The following NDRG3 variants were observed in gnomAD, a reference collection of about 807,000 sequenced individuals.
The protein encoded by NDRG3 is NDRG family member 3, also known as protein NDRG3.
A neutral mutation model predicts 57.2 loss-of-function variants in NDRG3; 23 were observed. The ratio of observed to expected loss-of-function variants is 0.40; its 90% CI spans 0.29 to 0.57. The LOEUF (loss-of-function observed/expected upper bound fraction) is 0.57. NDRG3 is among the 20% of genes least tolerant of loss of function. NDRG3 has a pLI of 0.42. For synonymous variants in NDRG3, 132 were observed against 162.6 expected (o/e 0.81, Z 1.43); for missense variants, 384 against 457.3 (o/e 0.84, Z 1.46).
intron 2 of NDRG3, among the ~76,000 whole-genome samples, chr20:36,712,219 C>A (rs1983928290): frequency 6.6e-6 from 1 of 151,366 alleles, no homozygotes; most frequent in South Asian, 2.1e-4. Flanking sequence ...GTAACTGGCT[C>A]CAGAGTTTCT....
At chr20:36,677,122 G>A (rs947672011) in intron 8 of NDRG3, among the ~76,000 whole-genome samples, 6 of 152,242 alleles carry the variant, frequency 3.9e-5, no homozygotes, top group South Asian at 2.1e-4. Flanking sequence ...GGGGACAAGC[G>A]GGAGCCGGGC....
chr20:36,707,916 T>A (rs915899693), intron 2 of NDRG3, among the ~76,000 whole-genome samples: 9 of 151,874 alleles, frequency 5.9e-5, no homozygotes, highest in African/African-American at 2.2e-4. Context: ...AAACCCCGTC[T>A]CTACTAAAAA....
intron 2 of NDRG3, among the ~76,000 whole-genome samples, chr20:36,711,136 G>C (rs1280504787): frequency 1.3e-5 from 2 of 148,718 alleles, no homozygotes; most frequent in Non-Finnish European, 3.0e-5. Flanking sequence ...AAAAAAAATA[G>C]CCGGGCGTGG....
At chr20:36,744,974 G>C (rs1429638598) in intron 1 of NDRG3, among the ~76,000 whole-genome samples, 4 of 151,384 alleles carry the variant, frequency 2.6e-5, no homozygotes, top group East Asian at 1.9e-4. Flanking sequence ...GTAAGGGGGG[G>C]GGGGGGCGCG....
intron 8 of NDRG3, among the ~76,000 whole-genome samples, chr20:36,678,738 T>C (rs576775724): frequency 6.6e-6 from 1 of 152,250 alleles, no homozygotes; most frequent in Non-Finnish European, 1.5e-5. Flanking sequence ...TAAAAGATGA[T>C]GTAATTAAAA....
intron 1 of NDRG3, among the ~76,000 whole-genome samples, chr20:36,744,161 C>A (rs914688618): frequency 6.6e-6 from 1 of 152,090 alleles, no homozygotes; most frequent in Admixed American, 6.5e-5. Context: ...CTCGGCCTCC[C>A]AAAGTGCTGG....
intron 1 of NDRG3, among the ~76,000 whole-genome samples, chr20:36,724,873 G>A (rs1210001454): frequency 6.6e-6 from 1 of 152,090 alleles, no homozygotes; most frequent in African/African-American, 2.4e-5. Flanking sequence ...AGGTTGCAGT[G>A]AGCCAAGATC....
chr20:36,739,842 G>A (rs945589372), intron 1 of NDRG3, among the ~76,000 whole-genome samples: 2 of 150,590 alleles, frequency 1.3e-5, no homozygotes, highest in South Asian at 4.2e-4. Flanking sequence ...CCTGGTAGGC[G>A]GAGCTTGCAG....
chr20:36,710,290 C>T (rs540678183), intron 2 of NDRG3, among the ~76,000 whole-genome samples: 1 of 152,272 alleles, frequency 6.6e-6, no homozygotes, highest in Admixed American at 6.5e-5. Context: ...CACCACTGCA[C>T]TCCAGCCTGG....
chr20:36,654,847 C>G, intron 15 of NDRG3: 2 of 779,738 alleles, frequency 2.6e-6, no homozygotes, highest in Non-Finnish European at 4.8e-6. Context: ...GGACTGGAAG[C>G]AGGATGGACA....
At chr20:36,734,100 C>A (rs1317682198) in intron 1 of NDRG3, among the ~76,000 whole-genome samples, 1 of 152,154 alleles carries the variant, frequency 6.6e-6, no homozygotes, top group African/African-American at 2.4e-5. Flanking sequence ...TGGCTCACGC[C>A]TGTAATCCCA....
chr20:36,662,038 T>A (rs1346348432), intron 12 of NDRG3, among the ~76,000 whole-genome samples: 1 of 152,082 alleles, frequency 6.6e-6, no homozygotes, highest in East Asian at 1.9e-4. Flanking sequence ...AAAAACTGGA[T>A]CCCTAACTGC....
Position 36,653,613 on chromosome 20 carries a change from C to T in NDRG3, c.1035G>A (p.Arg345=). ...CATCTGACTGATTGCTGGTGACAGA[C>T]CGGCTGAAGGGACTTTCTCCAGAGC... is the stretch of plus-strand genomic sequence containing the variant. ...SLGSGESPFS[R]SVTSNQSDGT... Residue 345 remains arginine, a synonymous_variant, in exon 16 of 16, where the codon CGG becomes CGA. Transcript: ENST00000349004. The surrounding 1 kb of genome is among the most constrained non-coding windows in gnomAD (Gnocchi z 4.2). 3 of 1,614,152 alleles carry T rather than the reference C, an allele frequency of 1.9e-6. No individual in the cohort carries two copies. Among genetic ancestry groups the T allele is most frequent in the Admixed American group, 1.7e-5 (1 of 60,024 alleles).
At chr20:36,744,598 T>C (rs985741517) in intron 1 of NDRG3, among the ~76,000 whole-genome samples, 8 of 151,980 alleles carry the variant, frequency 5.3e-5, no homozygotes, top group African/African-American at 1.7e-4. Context: ...AGTGGAGCCT[T>C]TGAAATGTGG....
At chr20:36,656,195 C>CTTACAAAT (rs1448037866) in intron 15 of NDRG3, among the ~76,000 whole-genome samples, 165 bp downstream of exon 15, 1 of 150,816 alleles carries the variant, frequency 6.6e-6, no homozygotes. Flanking sequence ...TGAGTGTTAG[C>CTTACAAAT]TTACAAATAC....
chr20:36,687,548 A>T lies in NDRG3; in HGVS notation c.264T>A (p.Ala88=), dbSNP rs763905361. The change falls in exon 5 of 16, where the codon GCT becomes GCA. Residue 88 remains alanine, a synonymous_variant. Transcript: ENST00000349004. Reference sequence around the variant, plus strand: ...GGCCTGGGGCATCCACATGACAGACAGCAAAGTGCTGGGTGATCTCTTGCA... The same window carrying T: ...GGCCTGGGGCATCCACATGACAGACTGCAAAGTGCTGGGTGATCTCTTGCA... ...EDMQEITQHF[A]VCHVDAPGQQ... is the part of the protein sequence containing the mutation. 1 of 1,614,190 alleles carries T rather than the reference A, an allele frequency of 6.2e-7. No individual in the cohort carries two copies. The highest frequency in any genetic ancestry group is 8.5e-7 in the Non-Finnish European group (1 of 1,180,022).
intron 12 of NDRG3, among the ~76,000 whole-genome samples, chr20:36,664,230 C>T (rs1305832821): frequency 6.6e-6 from 1 of 152,092 alleles, no homozygotes; most frequent in African/African-American, 2.4e-5. Flanking sequence ...AAGTCAGGTG[C>T]CCAAATCTTG....
At chr20:36,668,860 T>C (rs143028274) in intron 9 of NDRG3, among the ~76,000 whole-genome samples, 4 of 151,810 alleles carry the variant, frequency 2.6e-5, no homozygotes, top group Non-Finnish European at 5.9e-5. Flanking sequence ...ACTATATATA[T>C]AGTGAGGATG....
chr20:36,677,432 G>A (rs1188858854), intron 8 of NDRG3, among the ~76,000 whole-genome samples: 1 of 152,216 alleles, frequency 6.6e-6, no homozygotes, highest in Non-Finnish European at 1.5e-5. Context: ...CCGCCCATGG[G>A]CCAATCAGCA....
Sources: allele counts gnomAD v4.1 joint callset (sites outside exome capture counted in the v4.1 genomes callset), GRCh38; gene constraint gnomAD v4.1.1; non-coding constraint Gnocchi (gnomAD v3.1); transcripts MANE v1.5; gene names NCBI Gene and HGNC (gene_info 2026-07-23, HGNC 2026-07-21).